Variants in ESYT1 observed in about 807,000 individuals in gnomAD.
ESYT1 encodes extended synaptotagmin 1, also known as extended synaptotagmin-1.
Under a neutral mutation model 154.2 loss-of-function variants are expected in ESYT1, and 116 were observed. The ratio of observed to expected loss-of-function variants is 0.75; its 90% confidence interval spans 0.65 to 0.88. ESYT1 has a LOEUF of 0.88. Among genes scored for constraint, ESYT1 ranks in the 40% least tolerant of loss-of-function variants. The pLI, the probability that ESYT1 is intolerant of heterozygous loss-of-function variation, is 0.00. For missense variants in ESYT1, 1,264 were observed against 1,379.3 expected, an observed-to-expected ratio of 0.92 and a Z score of 1.32; for synonymous variants, 500 against 539.9, an observed-to-expected ratio of 0.93 and a Z score of 1.02.
chr12:56,132,415 C>T lies in ESYT1; in HGVS notation c.985-6C>T. 1 of 1,614,128 alleles carries T rather than the reference C, an allele frequency of 6.2e-7. No individual in the cohort carries two copies. Among genetic ancestry groups the T allele is most frequent in the Non-Finnish European group, 8.5e-7 (1 of 1,180,030 alleles). ...TAGTTTCTCACCATCTGATTCCTTC[C>T]TCCAGGGCATTATTCGAATTCACCT... On this transcript the variant is annotated splice_region_variant and splice_polypyrimidine_tract_variant and intron_variant, in intron 8 of 30. Coordinates refer to ENST00000394048, the MANE Select transcript of ESYT1 (RefSeq NM_015292.3).
rs766446639 is a variant in ESYT1, at chr12:56,137,259, G to A, written c.1824G>A (p.Val608=). 3 of 1,614,218 alleles carry A rather than the reference G, an allele frequency of 1.9e-6. 1 individual carries two copies. The South Asian group carries it at 3.3e-5, about 18-fold the overall frequency. ...CATCAGAAATATGCTTCCCCACGGT[G>A]CCTGGTTGTCCTGGTGCTTGGGACG... The part of the protein sequence containing the change: ...LDSSEICFPT[V]PGCPGAWDVD... The change falls in exon 17 of 31, where the codon GTG becomes GTA. Residue 608 remains valine, a synonymous_variant. Coordinates refer to ENST00000394048, the MANE Select transcript of ESYT1 (RefSeq NM_015292.3).
Position 56,133,811 on chromosome 12 carries a change from C to G in ESYT1, c.1411C>G (p.Arg471Gly), listed in dbSNP as rs560118938. The part of the protein sequence containing the change: ...VLQWNWGVSS[R>G]PDPPSAAILV... ...ACAGTGGAATTGGGGAGTCTCCTCT[C>G]GACCAGATCCCCCGTCAGCTGCCAT... The change falls in exon 13 of 31, where the codon CGA (arginine) becomes GGA (glycine). Residue 471 changes from arginine (R) to glycine (G), a missense_variant. Arg to Gly is a moderately radical substitution (Grantham distance 125). Transcript: ENST00000394048. 39 of 1,614,164 alleles carry G rather than the reference C, an allele frequency of 2.4e-5. No homozygotes were observed. The highest frequency in any genetic ancestry group is 8.3e-5 in the Admixed American group (5 of 60,018).
In ESYT1 at chr12:56,128,358, C is replaced by T. The variant is rs1281709102; in HGVS notation, c.39C>T (p.Pro13=). The T allele has an allele frequency of 1.2e-6, 2 of 1,612,528 alleles. No homozygotes were observed. Among genetic ancestry groups the T allele is most frequent in the Middle Eastern group, 1.7e-4 (1 of 6,046 alleles). The change falls in exon 1 of 31, where the codon CCC becomes CCT. Residue 13 remains proline (P), a synonymous_variant. Transcript: ENST00000394048. ...CAGGAGAGGGCCCCAGCCCCAGCCC[C>T]ATGGACCAGCCCTCTGCTCCCTCCG... ...RSPGEGPSPS[P]MDQPSAPSDP...
Position 56,142,567 on chromosome 12 carries a change from C to G in ESYT1, c.2734-11C>G, listed in dbSNP as rs761152282. The stretch of plus-strand genomic sequence containing the variant: ...AGAACTCTGCCCAGCTCACAGCTTT[C>G]TTGCCCCTAGATCCTGGTGTCCCAG... On this transcript the variant is annotated splice_polypyrimidine_tract_variant and intron_variant, in intron 25 of 30. Coordinates refer to ENST00000394048, the MANE Select transcript of ESYT1 (RefSeq NM_015292.3). The surrounding 1 kb of genome is among the most constrained non-coding windows in gnomAD (Gnocchi z 4.1). The G allele has an allele frequency of 9.3e-6, 15 of 1,614,148 alleles. No individual in the cohort carries two copies. Among genetic ancestry groups the G allele is most frequent in the Admixed American group, 1.7e-5 (1 of 60,028 alleles).
chr12:56,128,745 CCCCCTTCCA>C (rs1295855437), intron 1 of ESYT1, 36 bp downstream of exon 1: 1 of 1,607,876 alleles, frequency 6.2e-7, no homozygotes, highest in Non-Finnish European at 8.5e-7. Flanking sequence ...TGCAGCATAG[CCCCCTTCCA>C]CCCCTTCCAT....
At chr12:56,132,834 A>G in intron 10 of ESYT1, 33 bp downstream of exon 10, 1 of 1,601,434 alleles carries the variant, frequency 6.2e-7, no homozygotes, top group Non-Finnish European at 8.6e-7. Context: ...TCTAAAGCCC[A>G]TGCTGGCCAG....
chr12:56,134,236 C>T (rs1335383585), intron 14 of ESYT1, 55 bp downstream of exon 14: 2 of 1,602,820 alleles, frequency 1.2e-6, no homozygotes, highest in East Asian at 4.5e-5. Flanking sequence ...GAGGCCTATT[C>T]TTGGGATGGT....
rs199938724 is a variant in ESYT1 at position 56,128,618 on chromosome 12, G to C, written c.299G>C (p.Arg100Pro). ...GWRRVRDEKE[R>P]SLRAARQLLD... ...CGCCGGGTCCGCGACGAGAAAGAAC[G>C]GAGCCTTCGAGCAGCGAGGCAGCTA... The change falls in exon 1 of 31, where the codon CGG becomes CCG. Residue 100 changes from arginine (R) to proline (P), a missense_variant. Transcript: ENST00000394048. 7 of 1,614,080 alleles carry C rather than the reference G, an allele frequency of 4.3e-6. No individual in the cohort carries two copies. Among genetic ancestry groups the C allele is most frequent in the Non-Finnish European group, 5.9e-6 (7 of 1,180,022 alleles).
rs1870237991 is a variant in ESYT1, at chr12:56,131,575, A to G, written c.804+9A>G. On this transcript the variant is annotated intron_variant, in intron 6 of 30. Transcript: ENST00000394048. ...TCTTCATCCGACGCCCGGTAAGGGA[A>G]AACAATGAAGGGGTATGGGGAAGCA... is the stretch of plus-strand genomic sequence containing the variant. 6.2e-7 allele frequency: 1 copy of G among 1,613,956 alleles called. No homozygotes were observed. Among genetic ancestry groups the G allele is most frequent in the South Asian group, 1.1e-5 (1 of 91,074 alleles).
At chr12:56,132,046 A>G (rs929835088) in intron 7 of ESYT1, among the ~76,000 whole-genome samples, 163 bp from the exon 8 acceptor site, 2 of 152,150 alleles carry the variant, frequency 1.3e-5, no homozygotes, top group African/African-American at 4.8e-5. Context: ...AAGAAGGGAG[A>G]GAGCAGTAGG....
rs1265707916 is a variant in ESYT1 at position 56,131,312 on chromosome 12, T to C, written c.710T>C (p.Met237Thr). 2 of 1,614,116 alleles carry C rather than the reference T, an allele frequency of 1.2e-6. No individual in the cohort carries two copies. Among genetic ancestry groups the C allele is most frequent in the Non-Finnish European group, 1.7e-6 (2 of 1,180,040 alleles). Residue 237 changes from methionine (M) to threonine (T), a missense_variant, in exon 5 of 31, where the codon ATG becomes ACG. Physicochemically the swap from Met to Thr is moderately conservative, Grantham distance 81. Transcript: ENST00000394048. ...KYFCKAGVKG[M>T]QLHGVLRVIL... is the part of the protein sequence containing the mutation. ...TTTTGCAAAGCAGGAGTCAAGGGCATGCAGGTAGGCCAGATGTCAGGGGCC... is the reference window on the plus strand; with the variant it reads ...TTTTGCAAAGCAGGAGTCAAGGGCACGCAGGTAGGCCAGATGTCAGGGGCC...
In ESYT1 at chr12:56,143,039, G is replaced by A; in HGVS notation, c.3010G>A (p.Asp1004Asn). 6.8e-6 allele frequency: 11 copies of A among 1,614,168 alleles called. No individual in the cohort carries two copies. Among genetic ancestry groups the A allele is most frequent in the Non-Finnish European group, 9.3e-6 (11 of 1,180,036 alleles). ...GCRSLRQNGR[D>N]PPDPYVSLLL... The stretch of plus-strand genomic sequence containing the variant: ...TAGGTCCCTTCGACAGAATGGACGT[G>A]ATCCTCCTGATCCCTATGTGTCACT... The change falls in exon 28 of 31, where the codon GAT becomes AAT. Residue 1004 changes from aspartate (D) to asparagine (N), a missense_variant. Physicochemically the swap from Asp to Asn is conservative, Grantham distance 23. Coordinates refer to ENST00000394048, the MANE Select transcript of ESYT1 (RefSeq NM_015292.3).
At chr12:56,138,155 C>A in intron 20 of ESYT1, 28 bp from the exon 21 acceptor site, 1 of 1,613,896 alleles carries the variant, frequency 6.2e-7, no homozygotes, top group East Asian at 2.2e-5. Flanking sequence ...TGCATATCCC[C>A]AAGTCTTCAC....
At chr12:56,139,879 C>T (rs1291162718) in intron 24 of ESYT1, among the ~76,000 whole-genome samples, 3 of 151,316 alleles carry the variant, frequency 2.0e-5, no homozygotes, top group South Asian at 2.1e-4. Flanking sequence ...TGAGCCACTG[C>T]ACCCGGCCTT....
intron 2 of ESYT1, 76 bp downstream of exon 2, chr12:56,130,699 A>G: frequency 6.2e-7 from 1 of 1,612,950 alleles, no homozygotes; most frequent in Non-Finnish European, 8.5e-7. Flanking sequence ...CCCATCCTCA[A>G]CCCTCAGTGC....
intron 24 of ESYT1, among the ~76,000 whole-genome samples, chr12:56,141,192 T>C (rs1028729465): frequency 6.6e-6 from 1 of 152,142 alleles, no homozygotes; most frequent in African/African-American, 2.4e-5. Flanking sequence ...CTGAAATTAA[T>C]AGAATTTAAA....
chr12:56,131,939 C>T (rs1870252184), intron 7 of ESYT1, 135 bp downstream of exon 7: 2 of 1,043,146 alleles, frequency 1.9e-6, no homozygotes, highest in Non-Finnish European at 2.9e-6. Flanking sequence ...GACAAATACC[C>T]CTGCAAAGTT....
intron 12 of ESYT1, 25 bp downstream of exon 12, chr12:56,133,699 C>A: frequency 6.2e-7 from 1 of 1,613,778 alleles, no homozygotes; most frequent in Non-Finnish European, 8.5e-7. Flanking sequence ...AAATAGGAAG[C>A]TGGCAGGGGA....
chr12:56,128,725 C>A lies in ESYT1; in HGVS notation c.390+16C>A. The A allele has an allele frequency of 6.2e-7, 1 of 1,612,348 alleles. No homozygotes were observed. Among genetic ancestry groups the A allele is most frequent in the South Asian group, 1.1e-5 (1 of 90,970 alleles). On this transcript the variant is annotated intron_variant, in intron 1 of 30. Transcript: ENST00000394048. ...ACCTGCCTGGGTGAGCGACCACCCT[C>A]GGTCCTCTGTGCAGCATAGCCCCCT...
Sources: allele counts gnomAD v4.1 joint callset (sites outside exome capture counted in the v4.1 genomes callset), GRCh38; gene constraint gnomAD v4.1.1; non-coding constraint Gnocchi (gnomAD v3.1); transcripts MANE v1.5; gene names NCBI Gene and HGNC (gene_info 2026-07-23, HGNC 2026-07-21).